MAGI1: variants seen among roughly 807,000 people sequenced by gnomAD.
MAGI1 encodes membrane-associated guanylate kinase, WW and PDZ domain-containing protein 1.
A neutral mutation model predicts 139.9 loss-of-function variants in MAGI1; 58 were observed. That is an observed-to-expected ratio of 0.41 (90% CI 0.34 to 0.52). The LOEUF is 0.52. Ranked by LOEUF, MAGI1 falls within the 20% of genes least tolerant of loss-of-function variation. MAGI1 has a pLI of 0.12. For synonymous variants in MAGI1, 812 were observed against 737.9 expected, an observed-to-expected ratio of 1.10 and a Z score of -1.63; for missense variants, 1,874 against 1,901.6, an observed-to-expected ratio of 0.99 and a Z score of 0.27.
At chr3:65,397,081 G>A (rs1470667784) in intron 13 of MAGI1, among the ~76,000 whole-genome samples, 1 of 152,206 alleles carries the variant, frequency 6.6e-6, no homozygotes, top group East Asian at 1.9e-4. Context: ...TGACTGAAGT[G>A]ATCCTATGCC....
chr3:65,967,688 T>C lies in MAGI1; in HGVS notation c.313+70308A>G, dbSNP rs114589816. Among the ~76,000 whole-genome samples the C allele has an allele frequency of 8.1e-4, 123 of 152,224 alleles. 1 individual carries two copies. Among genetic ancestry groups the C allele is most frequent in the African/African-American group, 2.8e-3 (116 of 41,576 alleles). On this transcript the variant is annotated intron_variant, in intron 1 of 22. Transcript: ENST00000402939. ...TTGACGCTGTACATGCAAACAAATA[T>C]GGCTTCTCCTACAAAGACAAAGAAT...
At chr3:66,034,133 C>T in intron 1 of MAGI1, among the ~76,000 whole-genome samples, 1 of 152,118 alleles carries the variant, frequency 6.6e-6, no homozygotes, top group East Asian at 1.9e-4. Flanking sequence ...TTAAAACACC[C>T]CATGGTTGTT....
chr3:66,038,083 C>A lies in MAGI1; in HGVS notation c.226G>T (p.Val76Phe), dbSNP rs748504917. The change falls in exon 1 of 23, where the codon GTC becomes TTC. Residue 76 changes from valine (V) to phenylalanine (F), a missense_variant. Around this residue, in one of 5 missense-constraint regions of MAGI1, gnomAD observed 648 missense variants for 598.1 expected, o/e 1.08. Coordinates refer to ENST00000402939, the MANE Select transcript of MAGI1 (RefSeq NM_001033057.2). ...TAGCGGGGCAAGCCGGACACCCGGA[C>A]CCCCTGCACCTCCAGAAGCAGCTCC... ...EGELLLEVQG[V>F]RVSGLPRYDV... 2 of 1,613,030 alleles carry A rather than the reference C, an allele frequency of 1.2e-6. No homozygotes were observed. Among genetic ancestry groups the A allele is most frequent in the Admixed American group, 1.7e-5 (1 of 59,994 alleles).
At chr3:65,545,749 T>C (rs1177413945) in intron 2 of MAGI1, among the ~76,000 whole-genome samples, 1 of 151,948 alleles carries the variant, frequency 6.6e-6, no homozygotes, top group East Asian at 1.9e-4. Context: ...ATTTATTTTA[T>C]AGGAATTCCA....
chr3:65,910,737 C>A (rs1009678418), intron 1 of MAGI1, among the ~76,000 whole-genome samples: 2 of 152,008 alleles, frequency 1.3e-5, no homozygotes, highest in African/African-American at 2.4e-5. Flanking sequence ...TCCCAAAATA[C>A]CTCTTTAATT....
At chr3:65,628,801 C>T (rs772604362) in intron 1 of MAGI1, among the ~76,000 whole-genome samples, 17 of 152,106 alleles carry the variant, frequency 1.1e-4, no homozygotes, top group Admixed American at 2.0e-4. Flanking sequence ...AAAATGATAT[C>T]TTGGTGTTAT....
At chr3:65,447,839 G>A (rs1203927117) in intron 7 of MAGI1, among the ~76,000 whole-genome samples, 183 bp downstream of exon 7, 11 of 152,168 alleles carry the variant, frequency 7.2e-5, no homozygotes, top group Admixed American at 5.9e-4. Context: ...ACAACTCCGC[G>A]TGATGCCTGC....
At chr3:65,510,585 G>A (rs1175761909) in intron 2 of MAGI1, among the ~76,000 whole-genome samples, 26 of 141,312 alleles carry the variant, frequency 1.8e-4, no homozygotes, top group Middle Eastern at 3.6e-3. Context: ...GAAATGAAGC[G>A]AGAAGGGAAG....
intron 1 of MAGI1, among the ~76,000 whole-genome samples, chr3:65,937,421 T>C (rs2063117098): frequency 6.6e-6 from 1 of 151,940 alleles, no homozygotes; most frequent in South Asian, 2.1e-4. Flanking sequence ...CACCAGGAAA[T>C]TGTTTAGAAG....
intron 1 of MAGI1, among the ~76,000 whole-genome samples, chr3:65,733,095 G>A (rs2034351828): frequency 6.6e-6 from 1 of 151,596 alleles, no homozygotes; most frequent in African/African-American, 2.4e-5. Context: ...TTGCTCCCAA[G>A]CTGGAGTGCA....
chr3:65,843,356 G>C (rs1480868997), intron 1 of MAGI1, among the ~76,000 whole-genome samples: 1 of 152,150 alleles, frequency 6.6e-6, no homozygotes, highest in Non-Finnish European at 1.5e-5. Context: ...TTTCAGATGA[G>C]ACTGCAGCCC....
At chr3:66,026,474 C>G (rs781644069) in intron 1 of MAGI1, among the ~76,000 whole-genome samples, 2 of 151,638 alleles carry the variant, frequency 1.3e-5, no homozygotes, top group Non-Finnish European at 2.9e-5. Flanking sequence ...TTAATTTTGC[C>G]TACTCATTAC....
At chr3:65,952,543 G>T (rs1328637492) in intron 1 of MAGI1, among the ~76,000 whole-genome samples, 2 of 152,184 alleles carry the variant, frequency 1.3e-5, no homozygotes, top group African/African-American at 4.8e-5. Context: ...GGCCGGGCAC[G>T]GTGGCTCGCG....
At chr3:65,594,499 A>G (rs1249871823) in intron 2 of MAGI1, among the ~76,000 whole-genome samples, 2 of 152,222 alleles carry the variant, frequency 1.3e-5, no homozygotes, top group African/African-American at 4.8e-5. Flanking sequence ...CAGCTGGCCT[A>G]CTATCAGACA....
At chr3:65,755,192 C>A (rs112157392) in intron 1 of MAGI1, among the ~76,000 whole-genome samples, 3,786 of 152,188 alleles carry the variant, frequency 0.025, 155 homozygotes, top group African/African-American at 0.085. Flanking sequence ...AGGTGATCTG[C>A]CCGCCCCAGC....
rs185198688 is a variant in MAGI1 at position 65,471,169 on chromosome 3, G to A, written c.758-685C>T. ...ATGTGGGTGGACTGATATGACTTGA[G>A]TCTTAAAAGAAGGCTCGAAATACTT... On this transcript the variant is annotated intron_variant, in intron 4 of 22. Transcript: ENST00000402939. Among the ~76,000 whole-genome samples the A allele has an allele frequency of 3.3e-5, 5 of 152,110 alleles. No individual in the cohort carries two copies. The East Asian group carries it at 5.8e-4, about 18-fold the overall frequency.
intron 1 of MAGI1, among the ~76,000 whole-genome samples, chr3:65,804,696 T>C (rs911639289): frequency 1.8e-4 from 28 of 151,976 alleles, no homozygotes; most frequent in South Asian, 1.0e-3. Flanking sequence ...TGTACCCAAC[T>C]GTACAGTAAT....
At chr3:65,960,912 C>T (rs2064390469) in intron 1 of MAGI1, among the ~76,000 whole-genome samples, 1 of 152,224 alleles carries the variant, frequency 6.6e-6, no homozygotes, top group Non-Finnish European at 1.5e-5. Context: ...AAGAAGACAT[C>T]ACTCTTATTT....
chr3:65,817,975 G>T (rs2041712817), intron 1 of MAGI1, among the ~76,000 whole-genome samples: 1 of 152,040 alleles, frequency 6.6e-6, no homozygotes, highest in African/African-American at 2.4e-5. Flanking sequence ...TTCCATTCTA[G>T]TTACACAGGG....
Sources: allele counts gnomAD v4.1 joint callset (sites outside exome capture counted in the v4.1 genomes callset), GRCh38; gene constraint gnomAD v4.1.1; regional missense constraint gnomAD v4.1.1; transcripts MANE v1.5; gene names NCBI Gene and HGNC (gene_info 2026-07-23, HGNC 2026-07-21).